Variants in AUTS2 observed in about 807,000 individuals in gnomAD.
The protein encoded by AUTS2 is activator of transcription and developmental regulator AUTS2, also known as autism susceptibility gene 2 protein.
In AUTS2, 17 loss-of-function variants were observed where a neutral mutation model predicts 112.4. The observed-to-expected ratio is 0.15, with a 90% CI of 0.10 to 0.23. The LOEUF (loss-of-function observed/expected upper bound fraction) is 0.23. Ranked by LOEUF, AUTS2 falls within the 10% of genes least tolerant of loss-of-function variation. AUTS2 has a pLI of 1.00. For synonymous variants in AUTS2, 751 were observed against 702.7 expected (o/e 1.07, Z -1.09); for missense variants, 1,510 against 1,701.6 (o/e 0.89, Z 1.98).
At chr7:70,230,113 TA>T (rs1028144028) in intron 4 of AUTS2, among the ~76,000 whole-genome samples, 4 of 152,166 alleles carry the variant, frequency 2.6e-5, no homozygotes, top group African/African-American at 7.2e-5. Flanking sequence ...TTTGGAATGG[TA>T]AAATTTTAAT....
chr7:70,716,636 C>CAAAAAAAAAAA (rs34972760), intron 6 of AUTS2, among the ~76,000 whole-genome samples: 29 of 64,932 alleles, frequency 4.5e-4, no homozygotes, highest in East Asian at 1.6e-3. Flanking sequence ...GACTCCGTCT[C>CAAAAAAAAAAA]AAAAAAAAAA....
chr7:70,787,264 C>G lies in AUTS2; in HGVS notation c.2364C>G (p.Asn788Lys), dbSNP rs760502563. ...KDGPSVQNFS[N>K]PHEPWNRLHR... ...GCCCCAGTGTGCAGAACTTTAGCAA[C>G]CCTCACGAACCCTGGAACCGGCTGC... is the stretch of plus-strand genomic sequence containing the variant. The change falls in exon 18 of 19, where the codon AAC becomes AAG. Residue 788 changes from asparagine to lysine, a missense_variant. By Grantham distance (94) the Asn-to-Lys change is moderately conservative (BLOSUM62 0). Transcript: ENST00000342771. 6.2e-7 allele frequency: 1 copy of G among 1,614,102 alleles called. No homozygotes were observed.
chr7:70,615,386 G>T (rs564877833), intron 5 of AUTS2, among the ~76,000 whole-genome samples: 1 of 152,248 alleles, frequency 6.6e-6, no homozygotes, highest in East Asian at 1.9e-4. Flanking sequence ...AACTTCTGTC[G>T]AACTAAGACT....
At chr7:70,047,662 A>G (rs1451314626) in intron 2 of AUTS2, among the ~76,000 whole-genome samples, 1 of 152,158 alleles carries the variant, frequency 6.6e-6, no homozygotes, top group Non-Finnish European at 1.5e-5. Flanking sequence ...TAGTATTGGT[A>G]TTGGGACATA....
intron 5 of AUTS2, among the ~76,000 whole-genome samples, chr7:70,611,546 A>G (rs550829406): frequency 6.6e-6 from 1 of 152,344 alleles, no homozygotes; most frequent in East Asian, 1.9e-4. Flanking sequence ...CTGTTATTTT[A>G]GGTTGCCTGT....
intron 1 of AUTS2, among the ~76,000 whole-genome samples, chr7:69,745,700 C>A (rs1188512983): frequency 1.3e-5 from 2 of 152,068 alleles, no homozygotes; most frequent in African/African-American, 4.8e-5. Flanking sequence ...TTAGAAATTA[C>A]ATTTGGGGGA....
chr7:69,659,332 TA>T (rs1456654974), intron 1 of AUTS2, among the ~76,000 whole-genome samples: 5 of 152,208 alleles, frequency 3.3e-5, no homozygotes, highest in Non-Finnish European at 7.3e-5. Flanking sequence ...AGACCCTTGT[TA>T]AATTTTGTCC....
chr7:70,700,153 C>G (rs182396535), intron 6 of AUTS2, among the ~76,000 whole-genome samples: 6 of 152,166 alleles, frequency 3.9e-5, no homozygotes, highest in Admixed American at 1.3e-4. Context: ...TTCTTTCCCC[C>G]CCTTTTTTTC....
intron 5 of AUTS2, among the ~76,000 whole-genome samples, chr7:70,534,450 A>G (rs10248310): frequency 0.066 from 9,965 of 151,970 alleles, 627 homozygotes; most frequent in African/African-American, 0.17. Flanking sequence ...GTTTTGAGAC[A>G]GAGTCTCACT....
chr7:69,803,440 C>G (rs1234824098), intron 1 of AUTS2, among the ~76,000 whole-genome samples: 2 of 151,990 alleles, frequency 1.3e-5, no homozygotes, highest in African/African-American at 4.8e-5. Context: ...GATTGCTTTG[C>G]TGGAAATCCT....
At chr7:70,131,461 A>T (rs929076277) in intron 3 of AUTS2, among the ~76,000 whole-genome samples, 3 of 152,156 alleles carry the variant, frequency 2.0e-5, no homozygotes, top group Non-Finnish European at 4.4e-5. Flanking sequence ...TCACCTGTCT[A>T]CTTTCATGGT....
At chr7:70,570,684 C>T (rs1260831372) in intron 5 of AUTS2, among the ~76,000 whole-genome samples, 1 of 152,142 alleles carries the variant, frequency 6.6e-6, no homozygotes, top group African/African-American at 2.4e-5. Context: ...AGCTGGGGTT[C>T]CCATTCTTTT....
chr7:70,388,377 A>G (rs1282270297), intron 4 of AUTS2, among the ~76,000 whole-genome samples: 1 of 152,226 alleles, frequency 6.6e-6, no homozygotes, highest in Non-Finnish European at 1.5e-5. Flanking sequence ...TCTTAAATAT[A>G]GTATATCCTG....
At chr7:70,539,502 A>C (rs1028268735) in intron 5 of AUTS2, among the ~76,000 whole-genome samples, 2 of 152,204 alleles carry the variant, frequency 1.3e-5, no homozygotes, top group African/African-American at 4.8e-5. Flanking sequence ...GGAATACCAA[A>C]CTTGTTTCCA....
intron 4 of AUTS2, among the ~76,000 whole-genome samples, chr7:70,434,595 G>A (rs1287186137): frequency 6.6e-6 from 1 of 152,142 alleles, no homozygotes; most frequent in Non-Finnish European, 1.5e-5. Flanking sequence ...ACCACCTTGG[G>A]TTAGACAGTG....
intron 4 of AUTS2, among the ~76,000 whole-genome samples, chr7:70,427,048 G>A (rs1267154590): frequency 6.6e-6 from 1 of 152,064 alleles, no homozygotes; most frequent in African/African-American, 2.4e-5. Flanking sequence ...AGGGAAAATC[G>A]CCCCATTACA....
chr7:70,657,754 A>G (rs1484036326), intron 5 of AUTS2, among the ~76,000 whole-genome samples: 1 of 152,118 alleles, frequency 6.6e-6, no homozygotes, highest in Admixed American at 6.5e-5. Flanking sequence ...ATGGGATCCC[A>G]GTATGGAGAA....
chr7:69,954,958 A>G (rs1235604244), intron 2 of AUTS2, among the ~76,000 whole-genome samples: 1 of 152,190 alleles, frequency 6.6e-6, no homozygotes, highest in Non-Finnish European at 1.5e-5. Context: ...TGGCTGGAAC[A>G]GCTCTTAAGT....
intron 4 of AUTS2, among the ~76,000 whole-genome samples, chr7:70,348,919 A>G (rs573071270): frequency 6.6e-6 from 1 of 152,378 alleles, no homozygotes; most frequent in Admixed American, 6.5e-5. Context: ...TGTGCTCTAT[A>G]GTTGTCATGG....
Sources: allele counts gnomAD v4.1 joint callset (sites outside exome capture counted in the v4.1 genomes callset), GRCh38; gene constraint gnomAD v4.1.1; transcripts MANE v1.5; gene names NCBI Gene and HGNC (gene_info 2026-07-23, HGNC 2026-07-21).